The following NUTM2B variants were observed in gnomAD, a reference collection of about 807,000 sequenced individuals.
NUTM2B encodes the protein NUT family member 2B.
A neutral mutation model predicts 42.4 loss-of-function variants in NUTM2B; 2 were observed. The ratio of observed to expected loss-of-function variants is 0.05; its 90% CI spans 0.02 to 0.15. The LOEUF is 0.15. Among genes scored for constraint, NUTM2B ranks in the 10% least tolerant of loss-of-function variants. The pLI is 1.00. For missense variants in NUTM2B, 58 were observed against 952.6 expected, an observed-to-expected ratio of 0.06 and a Z score of 12.36; for synonymous variants, 18 against 402.4, an observed-to-expected ratio of 0.04 and a Z score of 11.43.
At chr10:79,696,832 C>A in the NUTM2B span, among the ~76,000 whole-genome samples, 5 of 151,622 alleles carry the variant, frequency 3.3e-5, no homozygotes, top group East Asian at 9.8e-4. Context: ...AACAGTGACA[C>A]CCCTTCCCAC....
upstream of NUTM2B, among the ~76,000 whole-genome samples, chr10:79,700,728 G>A (rs942274108): frequency 6.6e-6 from 1 of 152,208 alleles, no homozygotes; most frequent in Non-Finnish European, 1.5e-5. Context: ...GCGTCTCCCT[G>A]CCATCAACCG....
At chr10:79,695,198 T>C in the NUTM2B span, among the ~76,000 whole-genome samples, 2 of 152,112 alleles carry the variant, frequency 1.3e-5, no homozygotes, top group Admixed American at 1.3e-4. Flanking sequence ...CTCTGCCCAA[T>C]GCTTTCCACA....
At chr10:79,692,814 C>T in the NUTM2B span, among the ~76,000 whole-genome samples, 5 of 152,326 alleles carry the variant, frequency 3.3e-5, no homozygotes, top group African/African-American at 9.6e-5. Context: ...CAAGAGAAGG[C>T]CCTGGTCTCC....
At chr10:79,707,394 A>G (rs1377383641) in intron 2 of NUTM2B, among the ~76,000 whole-genome samples, 1 of 133,042 alleles carries the variant, frequency 7.5e-6, no homozygotes, top group Non-Finnish European at 1.6e-5. Context: ...ACATGCTATG[A>G]CACATTACAT....
At chr10:79,707,306 G>C (rs1840411075) in intron 2 of NUTM2B, among the ~76,000 whole-genome samples, 1 of 131,212 alleles carries the variant, frequency 7.6e-6, no homozygotes, top group African/African-American at 3.0e-5. Flanking sequence ...CTAGAAAAAG[G>C]GACAATGATG....
upstream of NUTM2B, among the ~76,000 whole-genome samples, chr10:79,698,368 C>T (rs1840260616): frequency 6.6e-6 from 1 of 151,524 alleles, no homozygotes; most frequent in Admixed American, 6.6e-5. Context: ...AACACATGTA[C>T]GAACATCCTA....
upstream of NUTM2B, among the ~76,000 whole-genome samples, chr10:79,699,158 T>C (rs1840270761): frequency 6.6e-6 from 1 of 151,890 alleles, no homozygotes; most frequent in Non-Finnish European, 1.5e-5. Flanking sequence ...ATGGTCTTCC[T>C]ACATTTCCCA....
chr10:79,699,950 C>T (rs1201818251), upstream of NUTM2B, among the ~76,000 whole-genome samples: 1 of 152,270 alleles, frequency 6.6e-6, no homozygotes, highest in African/African-American at 2.4e-5. Context: ...CTCAAGTACA[C>T]ACTAACCCAA....
At chr10:79,709,539 C>T (rs1209843684) in intron 3 of NUTM2B, among the ~76,000 whole-genome samples, 7 of 128,458 alleles carry the variant, frequency 5.4e-5, no homozygotes, top group South Asian at 3.3e-4. Context: ...AGGGGTCCCC[C>T]GAGACCCTCC....
chr10:79,694,417 G>A, the NUTM2B span, among the ~76,000 whole-genome samples: 2 of 148,152 alleles, frequency 1.3e-5, no homozygotes, highest in East Asian at 2.1e-4. Flanking sequence ...AAGAAAGAAA[G>A]AAAAGGAAAA....
the NUTM2B span, among the ~76,000 whole-genome samples, chr10:79,694,819 C>T: frequency 2.6e-4 from 39 of 152,288 alleles, no homozygotes; most frequent in Non-Finnish European, 4.6e-4. Flanking sequence ...TAACATCATG[C>T]TCCAGATTGC....
At chr10:79,710,983 AGTGT>A (rs1840482045) in intron 5 of NUTM2B, among the ~76,000 whole-genome samples, 1 of 132,868 alleles carries the variant, frequency 7.5e-6, no homozygotes, top group South Asian at 3.1e-4. Context: ...GTGAGTGTGG[AGTGT>A]GTACGTTACC....
chr10:79,709,654 T>G, intron 3 of NUTM2B, 146 bp from the exon 4 acceptor site: 1 of 1,298,618 alleles, frequency 7.7e-7, no homozygotes, highest in East Asian at 3.1e-5. Context: ...AGCAGTTTTC[T>G]CCTGGGACTG....
chr10:79,695,461 A>C, the NUTM2B span, among the ~76,000 whole-genome samples: 3 of 152,150 alleles, frequency 2.0e-5, no homozygotes, highest in Non-Finnish European at 4.4e-5. Flanking sequence ...ACCAACACAT[A>C]TTCTCAACAC....
chr10:79,701,525 A>G (rs1203654869), upstream of NUTM2B, among the ~76,000 whole-genome samples: 1 of 151,988 alleles, frequency 6.6e-6, no homozygotes, highest in Non-Finnish European at 1.5e-5. Context: ...TCTCCACGTG[A>G]TAACACTGAA....
At chr10:79,692,783 T>C in the NUTM2B span, among the ~76,000 whole-genome samples, 3 of 152,152 alleles carry the variant, frequency 2.0e-5, no homozygotes, top group African/African-American at 7.2e-5. Context: ...CCACCTCTCA[T>C]TAGGAACCTG....
At chr10:79,695,705 GAGAGA>G in the NUTM2B span, among the ~76,000 whole-genome samples, 1 of 151,982 alleles carries the variant, frequency 6.6e-6, no homozygotes, top group African/African-American at 2.4e-5. Flanking sequence ...CATCAGGACT[GAGAGA>G]AGACATGGCA....
the NUTM2B span, among the ~76,000 whole-genome samples, chr10:79,696,860 T>C: frequency 6.6e-5 from 10 of 150,568 alleles, no homozygotes; most frequent in Admixed American, 2.0e-4. Context: ...TGAATAGTCA[T>C]GTAAGGCTCC....
At position 79,707,309 on chromosome 10, in the gene NUTM2B, C is replaced by G. The variant is rs1419684551; in HGVS notation, c.1082+568C>G. On this transcript the variant is annotated intron_variant, in intron 2 of 6. Transcript: ENST00000429828. ...CCTCAATCCCTCCTAGAAAAAGGGACAATGATGCTTCATTCAGAGGATGGT... is the reference window on the plus strand; with the variant it reads ...CCTCAATCCCTCCTAGAAAAAGGGAGAATGATGCTTCATTCAGAGGATGGT... 4.6e-5 allele frequency among the ~76,000 whole-genome samples: 6 copies of G among 131,344 alleles called. 1 individual carries two copies. The highest frequency in any genetic ancestry group is 1.8e-4 in the African/African-American group (6 of 33,778). The allele number at this position is 131,344 out of a possible 152,430, so 86.2% of individuals were successfully genotyped here.
Sources: gnomAD v4.1 joint callset for allele counts (sites outside exome capture counted in the v4.1 genomes callset) on GRCh38, gnomAD v4.1.1 for gene constraint, MANE v1.5 for transcripts, NCBI Gene and HGNC (gene_info 2026-07-23, HGNC 2026-07-21) for gene names.